Variants in TCF7L1 observed in about 807,000 individuals in gnomAD.
TCF7L1 encodes the protein transcription factor 7 like 1, also known as transcription factor 7-like 1.
Under a neutral mutation model 63.7 loss-of-function variants are expected in TCF7L1, and 18 were observed. The ratio of observed to expected loss-of-function variants is 0.28; its 90% CI spans 0.20 to 0.42. The LOEUF (loss-of-function observed/expected upper bound fraction) is 0.42. Among genes scored for constraint, TCF7L1 ranks in the 10% least tolerant of loss-of-function variants. The probability of loss-of-function intolerance (pLI) is 1.00; values close to 1 mark genes in which losing one functional copy is unlikely to be tolerated. For synonymous variants in TCF7L1, 355 were observed against 340.9 expected (o/e 1.04, Z -0.46); for missense variants, 654 against 779.3 (o/e 0.84, Z 1.91).
At chr2:85,262,372 C>T (rs1680879049) in intron 3 of TCF7L1, 1 of 421,486 alleles carries the variant, frequency 2.4e-6, no homozygotes. Context: ...CTTCCAGAAT[C>T]AAGACACCGT....
At chr2:85,179,021 G>A (rs1328150712) in intron 3 of TCF7L1, among the ~76,000 whole-genome samples, 1 of 152,202 alleles carries the variant, frequency 6.6e-6, no homozygotes, top group Non-Finnish European at 1.5e-5. Context: ...GGGCTGATAA[G>A]GGAGGGCTCC....
intron 3 of TCF7L1, among the ~76,000 whole-genome samples, chr2:85,150,555 A>G (rs1677984952): frequency 6.7e-6 from 1 of 150,112 alleles, no homozygotes; most frequent in Admixed American, 6.6e-5. Context: ...TTTAAAGATT[A>G]CAGGCCATTT....
chr2:85,173,800 G>A (rs761478887), intron 3 of TCF7L1, among the ~76,000 whole-genome samples: 8 of 151,768 alleles, frequency 5.3e-5, no homozygotes, highest in African/African-American at 9.7e-5. Flanking sequence ...GCAATGGCGC[G>A]ATCTCGGCTC....
intron 3 of TCF7L1, among the ~76,000 whole-genome samples, chr2:85,239,944 T>TAAAAAAAAAAAAAAA (rs11337671): frequency 1.9e-5 from 2 of 104,390 alleles, no homozygotes; most frequent in African/African-American, 7.6e-5. Context: ...AGACTCCATC[T>TAAAAAAAAAAAAAAA]AAAAAAAAAA....
intron 4 of TCF7L1, among the ~76,000 whole-genome samples, chr2:85,287,809 G>A (rs6748174): frequency 0.068 from 10,415 of 152,102 alleles, 838 homozygotes; most frequent in African/African-American, 0.19. Context: ...TGAGACACCC[G>A]GGGAGGAGGG....
chr2:85,192,364 A>C (rs988609133), intron 3 of TCF7L1, among the ~76,000 whole-genome samples: 2 of 152,168 alleles, frequency 1.3e-5, no homozygotes, highest in African/African-American at 4.8e-5. Context: ...GAGATGATAC[A>C]TGTGAAACAT....
intron 3 of TCF7L1, among the ~76,000 whole-genome samples, chr2:85,209,679 G>A (rs997065746): frequency 1.3e-5 from 2 of 152,160 alleles, no homozygotes; most frequent in Non-Finnish European, 2.9e-5. Flanking sequence ...CCATTCCAAA[G>A]CGCAGAAGGT....
At chr2:85,257,412 C>G (rs1680743206) in intron 3 of TCF7L1, among the ~76,000 whole-genome samples, 1 of 152,218 alleles carries the variant, frequency 6.6e-6, no homozygotes, top group African/African-American at 2.4e-5. Context: ...TCGGACTGCC[C>G]ACTGGAGTGG....
At chr2:85,156,858 AT>A (rs1678159289) in intron 3 of TCF7L1, among the ~76,000 whole-genome samples, 1 of 152,332 alleles carries the variant, frequency 6.6e-6, no homozygotes, top group East Asian at 1.9e-4. Flanking sequence ...ACATTTGGCA[AT>A]GCCTGGAGAT....
intron 4 of TCF7L1, among the ~76,000 whole-genome samples, chr2:85,294,144 C>T (rs1227473662): frequency 2.0e-5 from 3 of 148,176 alleles, no homozygotes; most frequent in African/African-American, 5.0e-5. Flanking sequence ...TCACGCCATT[C>T]GCCTGCCTCA....
chr2:85,222,814 AATT>A (rs1250956779), intron 3 of TCF7L1, among the ~76,000 whole-genome samples: 10 of 152,280 alleles, frequency 6.6e-5, no homozygotes, highest in African/African-American at 2.2e-4. Context: ...AATATTAGAA[AATT>A]ATTGTTAACC....
chr2:85,136,594 G>T (rs2104178350), intron 3 of TCF7L1, among the ~76,000 whole-genome samples: 1 of 152,224 alleles, frequency 6.6e-6, no homozygotes, highest in African/African-American at 2.4e-5. Context: ...GACTTAGTAT[G>T]TCCCATCCCA....
chr2:85,258,392 TG>T (rs1680774198), intron 3 of TCF7L1, among the ~76,000 whole-genome samples: 1 of 152,178 alleles, frequency 6.6e-6, no homozygotes, highest in South Asian at 2.1e-4. Context: ...ACCAAGCCAC[TG>T]GTGTGCACAC....
intron 3 of TCF7L1, among the ~76,000 whole-genome samples, chr2:85,241,756 T>G (rs116442660): frequency 1.6e-3 from 242 of 152,270 alleles, no homozygotes; most frequent in African/African-American, 5.4e-3. Flanking sequence ...GGGTACACTT[T>G]CAAGCAGTCC....
Position 85,239,902 on chromosome 2 carries a change from C to T in TCF7L1, c.442-43593C>T, listed in dbSNP as rs142272943. The stretch of plus-strand genomic sequence containing the variant: ...CAGAGGTTGCAATGAGCCAAGATCG[C>T]GCCACTGCACTCCAGCCTGGGCAAC... On this transcript the variant is annotated intron_variant, in intron 3 of 11. Coordinates refer to ENST00000282111, the MANE Select transcript of TCF7L1 (RefSeq NM_031283.3). 2.9e-3 allele frequency among the ~76,000 whole-genome samples: 426 copies of T among 144,920 alleles called. 1 individual carries two copies. The highest frequency in any genetic ancestry group is 0.01 in the African/African-American group (393 of 38,668).
At chr2:85,142,480 TA>T (rs56952641) in intron 3 of TCF7L1, among the ~76,000 whole-genome samples, 5 of 141,558 alleles carry the variant, frequency 3.5e-5, no homozygotes, top group South Asian at 2.2e-4. Context: ...TGTATATATA[TA>T]ATATATATAT....
intron 3 of TCF7L1, among the ~76,000 whole-genome samples, chr2:85,264,151 C>A (rs1256193689): frequency 6.6e-6 from 1 of 152,124 alleles, no homozygotes; most frequent in Non-Finnish European, 1.5e-5. Flanking sequence ...ATTTTTCCTG[C>A]CCATTCTTCC....
chr2:85,237,576 A>G (rs1289542938), intron 3 of TCF7L1, among the ~76,000 whole-genome samples: 1 of 151,978 alleles, frequency 6.6e-6, no homozygotes, highest in Non-Finnish European at 1.5e-5. Flanking sequence ...TGTACCAACT[A>G]TTTACAGGAG....
intron 3 of TCF7L1, among the ~76,000 whole-genome samples, chr2:85,241,651 G>A (rs962358832): frequency 1.3e-5 from 2 of 151,864 alleles, no homozygotes; most frequent in Non-Finnish European, 2.9e-5. Flanking sequence ...CACCATGTTG[G>A]TCAGGTTGGT....
Sources: allele counts gnomAD v4.1 joint callset (sites outside exome capture counted in the v4.1 genomes callset), GRCh38; gene constraint gnomAD v4.1.1; transcripts MANE v1.5; gene names NCBI Gene and HGNC (gene_info 2026-07-23, HGNC 2026-07-21).